RHBDD1: variants seen among roughly 807,000 people sequenced by gnomAD.
The protein encoded by RHBDD1 is rhomboid domain containing 1.
A neutral mutation model predicts 36.3 loss-of-function variants in RHBDD1; 38 were observed. That is an observed-to-expected ratio of 1.05 (90% CI 0.81 to 1.37). The LOEUF (loss-of-function observed/expected upper bound fraction) is 1.37, where lower values mean the gene tolerates loss of function less well. Ranked by LOEUF, RHBDD1 falls within the 40% of genes most tolerant of loss-of-function variation. The pLI, the probability that RHBDD1 is intolerant of heterozygous loss-of-function variation, is 0.00. For missense variants in RHBDD1, 393 were observed against 377.6 expected (o/e 1.04, Z -0.34); for synonymous variants, 151 against 136.5 (o/e 1.11, Z -0.74).
intron 5 of RHBDD1, among the ~76,000 whole-genome samples, chr2:226,905,114 G>A (rs1185495916): frequency 2.6e-5 from 4 of 151,386 alleles, no homozygotes; most frequent in Non-Finnish European, 5.9e-5. Context: ...CTTCTGGAAT[G>A]AGAGGTCACT....
intron 8 of RHBDD1, among the ~76,000 whole-genome samples, chr2:226,975,378 T>C (rs1458268035): frequency 1.3e-5 from 2 of 152,162 alleles, no homozygotes; most frequent in African/African-American, 2.4e-5. Context: ...TAGACCTCAA[T>C]AAAGCTGGAG....
At chr2:226,992,071 C>T (rs76845286) in intron 8 of RHBDD1, among the ~76,000 whole-genome samples, 137 of 152,206 alleles carry the variant, frequency 9.0e-4, no homozygotes, top group African/African-American at 3.2e-3. Context: ...TAAGACCCTT[C>T]GAGAAAGCCT....
chr2:226,858,222 TAAATG>T (rs1215837390), intron 3 of RHBDD1, among the ~76,000 whole-genome samples: 1 of 152,214 alleles, frequency 6.6e-6, no homozygotes, highest in Non-Finnish European at 1.5e-5. Flanking sequence ...TCAAAACTGT[TAAATG>T]AAACTTACCA....
At chr2:226,812,496 T>C in the RHBDD1 span, among the ~76,000 whole-genome samples, 11 of 152,364 alleles carry the variant, frequency 7.2e-5, no homozygotes, top group East Asian at 2.1e-3. Context: ...ATAGAGAACT[T>C]GCTAAATGAT....
intron 6 of RHBDD1, chr2:226,907,112 T>C (rs1374069960): frequency 1.3e-5 from 8 of 593,066 alleles, no homozygotes; most frequent in East Asian, 2.9e-5. Flanking sequence ...GGGACAAATA[T>C]CAGTATATAT....
At chr2:226,867,137 C>G (rs1944408349) in intron 4 of RHBDD1, 49 bp from the exon 5 acceptor site, 2 of 1,522,208 alleles carry the variant, frequency 1.3e-6, no homozygotes, top group East Asian at 4.6e-5. Context: ...AATGTTGATA[C>G]TCCTACTTTT....
the RHBDD1 span, among the ~76,000 whole-genome samples, chr2:226,800,964 G>GT: frequency 2.6e-5 from 4 of 152,170 alleles, no homozygotes; most frequent in Admixed American, 6.5e-5. Context: ...GCTCCCCAGA[G>GT]TTTTTTTATT....
the RHBDD1 span, among the ~76,000 whole-genome samples, chr2:226,817,116 C>T: frequency 6.6e-6 from 1 of 152,152 alleles, no homozygotes; most frequent in African/African-American, 2.4e-5. Flanking sequence ...CTTCATTATA[C>T]TATTTTTGTC....
chr2:226,917,603 T>G (rs1026615600), intron 8 of RHBDD1, among the ~76,000 whole-genome samples: 22 of 152,250 alleles, frequency 1.4e-4, no homozygotes, highest in Admixed American at 1.1e-3. Context: ...AGTAGAAGAT[T>G]GCTAAGACTA....
the RHBDD1 span, among the ~76,000 whole-genome samples, chr2:226,822,933 C>A: frequency 6.6e-6 from 1 of 152,034 alleles, no homozygotes; most frequent in Non-Finnish European, 1.5e-5. Context: ...TGAGATCAGC[C>A]TCGTCAACAT....
At chr2:226,913,143 G>T in intron 7 of RHBDD1, among the ~76,000 whole-genome samples, 1 of 152,046 alleles carries the variant, frequency 6.6e-6, no homozygotes, top group East Asian at 1.9e-4. Context: ...TCCTCTTTTG[G>T]CTGGATTGTG....
upstream of RHBDD1, among the ~76,000 whole-genome samples, chr2:226,834,454 A>C (rs1453538289): frequency 1.3e-5 from 2 of 152,258 alleles, no homozygotes; most frequent in Non-Finnish European, 2.9e-5. Flanking sequence ...GAGGTAACTT[A>C]TGAGTCTTAA....
chr2:226,995,727 G>A lies in RHBDD1; in HGVS notation c.*205G>A. On this transcript the variant is annotated 3_prime_UTR_variant, in exon 9 of 9. Transcript: ENST00000392062. Reference sequence around the variant, plus strand: ...GGGGAGTGGGCCTTCTCCTGGCCTTGTTCTTGCTCATAAACAGGTCACTTC... The same window carrying A: ...GGGGAGTGGGCCTTCTCCTGGCCTTATTCTTGCTCATAAACAGGTCACTTC... The A allele has an allele frequency of 1.7e-6, 1 of 584,976 alleles. No individual in the cohort carries two copies. The highest frequency in any genetic ancestry group is 3.0e-6 in the Non-Finnish European group (1 of 329,384). 36.2% of individuals were successfully genotyped at this position (584,976 alleles called of 1,614,324 possible). A position where few individuals can be genotyped will look rare whatever the true frequency, so the allele number is the denominator to read the frequency against.
At chr2:226,903,627 A>G (rs150286568) in intron 5 of RHBDD1, among the ~76,000 whole-genome samples, 11 of 152,278 alleles carry the variant, frequency 7.2e-5, no homozygotes, top group African/African-American at 2.4e-4. Context: ...CCATAATTTT[A>G]TTATATGAAG....
chr2:226,846,747 CA>C (rs11366796), intron 3 of RHBDD1, among the ~76,000 whole-genome samples: 19,036 of 70,004 alleles, frequency 0.27, 1,765 homozygotes, highest in African/African-American at 0.47. Flanking sequence ...AATGCCATCT[CA>C]AAAAAAAAAA....
At chr2:226,844,904 G>A (rs552739172) in intron 3 of RHBDD1, among the ~76,000 whole-genome samples, 58 of 152,194 alleles carry the variant, frequency 3.8e-4, no homozygotes, top group Non-Finnish European at 6.6e-4. Flanking sequence ...ACAAAATCTG[G>A]TAATTTCATT....
chr2:226,831,558 GA>G, upstream of RHBDD1, among the ~76,000 whole-genome samples: 1 of 152,288 alleles, frequency 6.6e-6, no homozygotes, highest in East Asian at 1.9e-4. Context: ...AAGGATTGCT[GA>G]AAACACCAGC....
intron 3 of RHBDD1, among the ~76,000 whole-genome samples, chr2:226,851,163 A>G (rs910528668): frequency 1.3e-5 from 2 of 152,058 alleles, no homozygotes; most frequent in Admixed American, 6.5e-5. Context: ...AGCCTCTTCC[A>G]GTAAGGAAGA....
intron 8 of RHBDD1, among the ~76,000 whole-genome samples, chr2:226,963,628 C>A (rs1015549151): frequency 6.6e-6 from 1 of 152,262 alleles, no homozygotes; most frequent in East Asian, 1.9e-4. Context: ...CATATAAATA[C>A]CTTCCATGCC....
Sources: allele counts gnomAD v4.1 joint callset (sites outside exome capture counted in the v4.1 genomes callset), GRCh38; gene constraint gnomAD v4.1.1; transcripts MANE v1.5; gene names NCBI Gene and HGNC (gene_info 2026-07-23, HGNC 2026-07-21).